Variants in SEMA4F observed in about 807,000 individuals in gnomAD.
SEMA4F encodes the protein semaphorin-4F.
A neutral mutation model predicts 78.4 loss-of-function variants in SEMA4F; 51 were observed. The observed-to-expected ratio is 0.65, with a 90% CI of 0.52 to 0.82. The LOEUF (loss-of-function observed/expected upper bound fraction) is 0.82, where lower values mean the gene tolerates loss of function less well. Ranked by LOEUF, SEMA4F falls within the 40% of genes least tolerant of loss-of-function variation. The probability of loss-of-function intolerance (pLI) is 0.00; values close to 1 mark genes in which losing one functional copy is unlikely to be tolerated. For missense variants in SEMA4F, 938 were observed against 1,014.4 expected (o/e 0.92, Z 1.02); for synonymous variants, 418 against 408.7 (o/e 1.02, Z -0.27).
the SEMA4F span, among the ~76,000 whole-genome samples, chr2:74,699,260 A>G: frequency 6.6e-6 from 1 of 152,102 alleles, no homozygotes; most frequent in African/African-American, 2.4e-5. Flanking sequence ...CAATTTTCCA[A>G]TCATTAGTCC....
At chr2:74,655,367 C>G in intron 1 of SEMA4F, 1 of 324,112 alleles carries the variant, frequency 3.1e-6, no homozygotes, top group Non-Finnish European at 6.6e-6. Flanking sequence ...TGGGGCGATT[C>G]ACATTTTAGA....
intron 4 of SEMA4F, among the ~76,000 whole-genome samples, chr2:74,659,212 A>G (rs1270459367): frequency 1.3e-5 from 2 of 152,148 alleles, no homozygotes; most frequent in East Asian, 1.9e-4. Flanking sequence ...CCTTAAGTTT[A>G]TAAGGTAGCA....
In SEMA4F at chr2:74,673,667, G is replaced by A; in HGVS notation, c.671-10G>A. On this transcript the variant is annotated splice_polypyrimidine_tract_variant and intron_variant, in intron 6 of 13. Coordinates refer to ENST00000357877, the MANE Select transcript of SEMA4F (RefSeq NM_004263.5). ...TGTCTGTGAGGATCTGAGGCCACTGGTATTCCCAGCCCCAGCCTTTGTCGC... is the reference window on the plus strand; with the variant it reads ...TGTCTGTGAGGATCTGAGGCCACTGATATTCCCAGCCCCAGCCTTTGTCGC... 6.2e-7 allele frequency: 1 copy of A among 1,613,420 alleles called. No individual in the cohort carries two copies. The highest frequency in any genetic ancestry group is 8.5e-7 in the Non-Finnish European group (1 of 1,179,566).
chr2:74,675,544 A>G lies in SEMA4F; in HGVS notation c.1392A>G (p.Arg464=), dbSNP rs1371208679. 1.9e-6 allele frequency: 3 copies of G among 1,614,050 alleles called. No homozygotes were observed. The highest frequency in any genetic ancestry group is 2.5e-6 in the Non-Finnish European group (3 of 1,180,000). Residue 464 remains arginine (R), a synonymous_variant, in exon 11 of 14, where the codon CGA becomes CGG. Transcript: ENST00000357877. ...CCCTAGAGGATGGACACCTCCACCG[A>G]GCAGTGCGGATCGGAGCTCAGCTCA... The part of the protein sequence containing the change: ...YLGTEDGHLH[R]AVRIGAQLSV...
intron 5 of SEMA4F, among the ~76,000 whole-genome samples, chr2:74,672,209 A>G (rs984714944): frequency 2.0e-5 from 3 of 152,186 alleles, no homozygotes; most frequent in Admixed American, 2.0e-4. Flanking sequence ...CCTGCCCAGC[A>G]GCCTCTCTGC....
rs772043013 is a variant in SEMA4F, at chr2:74,658,777, T to C, written c.456+826T>C. Among the ~76,000 whole-genome samples the C allele has an allele frequency of 6.6e-6, 1 of 152,234 alleles. No individual in the cohort carries two copies. The highest frequency in any genetic ancestry group is 1.5e-5 in the Non-Finnish European group (1 of 68,038). ...TGGCGTGAGTCAGAAGCCTCACATA[T>C]CCTTTATATCCAGTGGCTTCTCTTT... On this transcript the variant is annotated intron_variant, in intron 4 of 13. Coordinates refer to ENST00000357877, the MANE Select transcript of SEMA4F (RefSeq NM_004263.5). This position sits in a 1 kb window ranked among gnomAD's most constrained non-coding sequence, Gnocchi z 4.3.
At chr2:74,677,283 A>G (rs1685344711) in intron 12 of SEMA4F, among the ~76,000 whole-genome samples, 1 of 152,188 alleles carries the variant, frequency 6.6e-6, no homozygotes, top group Non-Finnish European at 1.5e-5. Flanking sequence ...ATTTCCATGC[A>G]TCCATCCCTC....
chr2:74,657,696 G>T, intron 3 of SEMA4F, 72 bp downstream of exon 3: 1 of 1,506,342 alleles, frequency 6.6e-7, no homozygotes, highest in Non-Finnish European at 9.2e-7. Context: ...TCAGTCCCCT[G>T]TAATGCTTCC....
chr2:74,675,062 C>A, intron 9 of SEMA4F, 27 bp downstream of exon 9: 5 of 1,613,806 alleles, frequency 3.1e-6, no homozygotes, highest in Non-Finnish European at 4.2e-6. Context: ...TCATTCTAGG[C>A]CTGAAGTCAA....
At chr2:74,663,781 C>G (rs1207776462) in intron 5 of SEMA4F, among the ~76,000 whole-genome samples, 1 of 152,184 alleles carries the variant, frequency 6.6e-6, no homozygotes, top group Admixed American at 6.5e-5. Flanking sequence ...CACACTAGGT[C>G]CACCTCCAAC....
chr2:74,704,027 A>G, the SEMA4F span, among the ~76,000 whole-genome samples: 10 of 152,172 alleles, frequency 6.6e-5, no homozygotes, highest in Non-Finnish European at 2.9e-5. Context: ...ATTAGACTGC[A>G]CAGGGGAGAA....
chr2:74,662,670 G>T, intron 4 of SEMA4F, 62 bp from the exon 5 acceptor site: 2 of 1,352,454 alleles, frequency 1.5e-6, no homozygotes, highest in South Asian at 2.3e-5. Flanking sequence ...GACCATCTTT[G>T]TAATTCTCAC....
chr2:74,677,712 A>G (rs377285076), intron 12 of SEMA4F, among the ~76,000 whole-genome samples: 1 of 152,230 alleles, frequency 6.6e-6, no homozygotes, highest in African/African-American at 2.4e-5. Flanking sequence ...AATTTATAGC[A>G]TATTTGTATA....
Position 74,657,626 on chromosome 2 carries a change from TAGG to T in SEMA4F, c.357+3_357+5del. ...TGTAGGAAGAAAGGCAAGAAAGAGG[TAGG>T]TGTAAATCTGAGCCCTGTCTTGAGT... On this transcript the variant is annotated splice_donor_5th_base_variant and intron_variant, in intron 3 of 13. Transcript: ENST00000357877. 6.2e-7 allele frequency: 1 copy of T among 1,613,872 alleles called. No individual in the cohort carries two copies. Among genetic ancestry groups the T allele is most frequent in the Non-Finnish European group, 8.5e-7 (1 of 1,179,844 alleles).
intron 1 of SEMA4F, among the ~76,000 whole-genome samples, 168 bp from the exon 2 acceptor site, chr2:74,656,366 T>C (rs1573222553): frequency 6.6e-6 from 1 of 152,286 alleles, no homozygotes; most frequent in East Asian, 1.9e-4. Context: ...TGCTAAATAT[T>C]CTGGCCTCAT....
chr2:74,659,809 G>C (rs1289814154), intron 4 of SEMA4F, among the ~76,000 whole-genome samples: 3 of 152,152 alleles, frequency 2.0e-5, no homozygotes, highest in Admixed American at 6.5e-5. Context: ...CTTTGAGACT[G>C]TATATAAACA....
At chr2:74,699,918 C>T in the SEMA4F span, among the ~76,000 whole-genome samples, 3 of 152,046 alleles carry the variant, frequency 2.0e-5, no homozygotes, top group Non-Finnish European at 4.4e-5. Context: ...GTGAAGACAA[C>T]TTTTTGAGCT....
chr2:74,686,052 A>G (rs558472177), downstream of SEMA4F, among the ~76,000 whole-genome samples: 1 of 152,314 alleles, frequency 6.6e-6, no homozygotes, highest in Admixed American at 6.5e-5. Context: ...TTAAAAAGTC[A>G]GGAAACAACA....
downstream of SEMA4F, among the ~76,000 whole-genome samples, chr2:74,687,766 C>T (rs886285826): frequency 5.3e-5 from 8 of 152,188 alleles, no homozygotes; most frequent in Non-Finnish European, 1.2e-4. Context: ...GGGTGTCCTT[C>T]TCCTAGACCT....
Sources: allele counts gnomAD v4.1 joint callset (sites outside exome capture counted in the v4.1 genomes callset), GRCh38; gene constraint gnomAD v4.1.1; non-coding constraint Gnocchi (gnomAD v3.1); transcripts MANE v1.5; gene names NCBI Gene and HGNC (gene_info 2026-07-23, HGNC 2026-07-21).